The following TCIRG1 variants were observed in gnomAD, a reference collection of about 807,000 sequenced individuals.
TCIRG1 encodes V-type proton ATPase 116 kDa subunit a 3.
A neutral mutation model predicts 95.5 loss-of-function variants in TCIRG1; 86 were observed. The observed-to-expected ratio is 0.90, with a 90% confidence interval of 0.76 to 1.08. The LOEUF is 1.08. Among genes scored for constraint, TCIRG1 ranks in the 50% least tolerant of loss-of-function variants. The pLI, the probability that TCIRG1 is intolerant of heterozygous loss-of-function variation, is 0.00. For missense variants in TCIRG1, 1,069 were observed against 1,140.2 expected (o/e 0.94, Z 0.90); for synonymous variants, 499 against 501.3 (o/e 1.00, Z 0.06).
chr11:68,044,767 C>A, intron 9 of TCIRG1, 191 bp from the exon 10 acceptor site: 1 of 708,542 alleles, frequency 1.4e-6, no homozygotes, highest in Admixed American at 2.6e-5. Context: ...CAAGCAATTG[C>A]CAATCCATGT....
rs746857814 is a variant in TCIRG1 at position 68,049,800 on chromosome 11, G to T, written c.2013+12G>T. The T allele has an allele frequency of 3.8e-6, 6 of 1,565,508 alleles. No homozygotes were observed. In the South Asian group the frequency reaches 5.8e-5, roughly 15 times the overall value. Reference sequence around the variant, plus strand: ...CCGCTGACCGACAGGTGGGACCGGGGCCTAAGGTGTGGGGGGCTGCTTGCG... The same window carrying T: ...CCGCTGACCGACAGGTGGGACCGGGTCCTAAGGTGTGGGGGGCTGCTTGCG... On this transcript the variant is annotated intron_variant, in intron 16 of 19. Transcript: ENST00000265686.
chr11:68,041,257 T>C lies in TCIRG1; in HGVS notation c.-4-11T>C. ...TGCCCCTGACTGGCCCCCATCCGTG[T>C]CCACCCACAGGACCATGGGCTCCAT... On this transcript the variant is annotated splice_polypyrimidine_tract_variant and intron_variant, in intron 1 of 19. Transcript: ENST00000265686. 1 of 1,594,748 alleles carries C rather than the reference T, an allele frequency of 6.3e-7. No homozygotes were observed. Among genetic ancestry groups the C allele is most frequent in the Non-Finnish European group, 8.6e-7 (1 of 1,163,468 alleles).
downstream of TCIRG1, among the ~76,000 whole-genome samples, chr11:68,051,410 C>G (rs1855793268): frequency 6.6e-6 from 1 of 152,226 alleles, no homozygotes; most frequent in Non-Finnish European, 1.5e-5. Flanking sequence ...CCCAGCCTCC[C>G]CTCACCTGAG....
intron 8 of TCIRG1, 96 bp downstream of exon 8, chr11:68,044,003 C>T (rs1042585178): frequency 4.6e-6 from 6 of 1,311,182 alleles, no homozygotes; most frequent in Admixed American, 4.0e-5. Flanking sequence ...GGCCTGGCCT[C>T]CAGGAGGTGG....
chr11:68,045,111 C>T lies in TCIRG1; in HGVS notation c.1165+9C>T, dbSNP rs886048597. 19 of 1,599,842 alleles carry T rather than the reference C, an allele frequency of 1.2e-5. No individual in the cohort carries two copies. In the Admixed American group the frequency reaches 3.0e-4, roughly 25 times the overall value. Reference sequence around the variant, plus strand: ...CCAGGAGGTCAACCCCGGTGAGAGCCACGGCATCCTTACCCGTGTCCTGGG... The same window carrying T: ...CCAGGAGGTCAACCCCGGTGAGAGCTACGGCATCCTTACCCGTGTCCTGGG... On this transcript the variant is annotated intron_variant, in intron 10 of 19. Transcript: ENST00000265686.
Position 68,043,811 on chromosome 11 carries a change from C to A in TCIRG1, c.714-3C>A, listed in dbSNP as rs1295358641. The A allele has an allele frequency of 1.3e-6, 2 of 1,560,652 alleles. No homozygotes were observed. Reference sequence around the variant, plus strand: ...CCCCTCACGCAGCGCATCCTCCCTCCAGCTTCCACTGCCACGTCTTCCCGT... The same window carrying A: ...CCCCTCACGCAGCGCATCCTCCCTCAAGCTTCCACTGCCACGTCTTCCCGT... On this transcript the variant is annotated splice_region_variant and splice_polypyrimidine_tract_variant and intron_variant, in intron 7 of 19. Coordinates refer to ENST00000265686, the MANE Select transcript of TCIRG1 (RefSeq NM_006019.4).
intron 3 of TCIRG1, among the ~76,000 whole-genome samples, chr11:68,042,183 G>C (rs553312028): frequency 6.6e-6 from 1 of 152,244 alleles, no homozygotes; most frequent in East Asian, 1.9e-4. Context: ...GGGTGGGTGG[G>C]GCCCAGGATC....
chr11:68,043,440 C>T lies in TCIRG1; in HGVS notation c.573C>T (p.Arg191=), dbSNP rs1296442620. The stretch of plus-strand genomic sequence containing the variant: ...AGCGCCTGCTCTGGAGGGCCTGCCG[C>T]GGCTTCCTCATTGCCAGCTTCAGGG... The part of the protein sequence containing the change: ...ALERLLWRAC[R]GFLIASFREL... The change falls in exon 6 of 20, where the codon CGC becomes CGT. Residue 191 remains arginine (R), a synonymous_variant. Transcript: ENST00000265686. 1.2e-5 allele frequency: 19 copies of T among 1,548,704 alleles called. No individual in the cohort carries two copies. The highest frequency in any genetic ancestry group is 1.6e-5 in the Non-Finnish European group (18 of 1,147,378).
At chr11:68,050,703 G>A (rs1195696061) in intron 19 of TCIRG1, 38 bp from the exon 20 acceptor site, 1 of 1,613,778 alleles carries the variant, frequency 6.2e-7, no homozygotes, top group East Asian at 2.2e-5. Flanking sequence ...CTCAAGGCGT[G>A]AGTTCCCCTC....
intron 7 of TCIRG1, 43 bp downstream of exon 7, chr11:68,043,696 G>A: frequency 6.4e-7 from 1 of 1,563,350 alleles, no homozygotes; most frequent in Non-Finnish European, 8.7e-7. Flanking sequence ...TGCTCCCCAG[G>A]CCCCTGCTGT....
downstream of TCIRG1, chr11:68,053,747 G>T: frequency 2.3e-6 from 1 of 439,410 alleles, no homozygotes; most frequent in Non-Finnish European, 4.1e-6. Context: ...CAGAGATGTT[G>T]CACTATTGCA....
In TCIRG1 at chr11:68,050,178, C is replaced by T. The variant is rs1855726257; in HGVS notation, c.2160C>T (p.Thr720=). The T allele has an allele frequency of 6.2e-7, 1 of 1,613,700 alleles. No individual in the cohort carries two copies. The highest frequency in any genetic ancestry group is 1.1e-5 in the South Asian group (1 of 91,088). Residue 720 remains threonine (T), a synonymous_variant, in exon 18 of 20, where the codon ACC becomes ACT. Coordinates refer to ENST00000265686, the MANE Select transcript of TCIRG1 (RefSeq NM_006019.4). ...SEVLMHQAIH[T]IEFCLGCVSN... is the part of the protein sequence containing the mutation. The stretch of plus-strand genomic sequence containing the variant: ...TGCTCATGCACCAGGCCATCCACAC[C>T]ATCGAGTTCTGCCTGGGCTGCGTCT...
At chr11:68,041,442 G>T in intron 2 of TCIRG1, 54 bp downstream of exon 2, 1 of 1,323,834 alleles carries the variant, frequency 7.6e-7, no homozygotes, top group South Asian at 1.2e-5. Context: ...TTAGCCCGGA[G>T]GCCGGTCCAG....
chr11:68,052,344 C>G (rs1257776111), downstream of TCIRG1: 1 of 152,318 alleles, frequency 6.6e-6, no homozygotes, highest in East Asian at 1.9e-4. Flanking sequence ...AGATCGGCTC[C>G]ACATGTATCT....
In TCIRG1 at chr11:68,042,729, C is replaced by A. The variant is rs1317644313; in HGVS notation, c.283C>A (p.Leu95Met). 1 of 1,546,894 alleles carries A rather than the reference C, an allele frequency of 6.5e-7. No homozygotes were observed. Among genetic ancestry groups the A allele is most frequent in the Non-Finnish European group, 8.7e-7 (1 of 1,146,136 alleles). ...GCCGGCACCCCCACCCCGGGACCTG[C>A]TGCGCATCCAGGAGGAGACGGAGCG... ...RLPAPPPRDL[L>M]RIQEETERLA... The change falls in exon 4 of 20, where the codon CTG (leucine) becomes ATG (methionine). Residue 95 changes from leucine (L) to methionine (M), a missense_variant. Physicochemically the swap from Leu to Met is conservative, Grantham distance 15 (BLOSUM62 2). Transcript: ENST00000265686.
chr11:68,053,639 G>A (rs1164064287), downstream of TCIRG1: 4 of 238,540 alleles, frequency 1.7e-5, no homozygotes, highest in Non-Finnish European at 3.3e-5. Flanking sequence ...ATTAACCAAA[G>A]TACCTGCAAG....
chr11:68,049,193 T>G lies in TCIRG1; in HGVS notation c.1786T>G (p.Trp596Gly). The G allele has an allele frequency of 6.2e-7, 1 of 1,613,904 alleles. No homozygotes were observed. Among genetic ancestry groups the G allele is most frequent in the Non-Finnish European group, 8.5e-7 (1 of 1,180,006 alleles). ...AGTCATCTACAAGTGGCTGTGTGTC[T>G]GGGCTGCCAGGGCCGCCTCGGCCCC... is the stretch of plus-strand genomic sequence containing the variant. ...FLVIYKWLCV[W>G]AARAASAPSI... is the part of the protein sequence containing the mutation. The change falls in exon 15 of 20, where the codon TGG becomes GGG. Residue 596 changes from tryptophan (W) to glycine (G), a missense_variant. Transcript: ENST00000265686.
At chr11:68,051,060 T>C (rs1855780182), downstream of TCIRG1, 5 of 584,158 alleles carry the variant, frequency 8.6e-6, no homozygotes, top group South Asian at 9.7e-5. Flanking sequence ...CAAGGAGAGA[T>C]GTTTCCAGCA....
chr11:68,049,912 G>A, intron 16 of TCIRG1, 50 bp from the exon 17 acceptor site: 14 of 1,569,312 alleles, frequency 8.9e-6, no homozygotes, highest in Non-Finnish European at 1.2e-5. Context: ...CGGGTGGTGG[G>A]GGACCTCCTG....
Sources: gnomAD v4.1 joint callset for allele counts (sites outside exome capture counted in the v4.1 genomes callset) on GRCh38, gnomAD v4.1.1 for gene constraint, MANE v1.5 for transcripts, NCBI Gene and HGNC (gene_info 2026-07-23, HGNC 2026-07-21) for gene names.